Variants in HEYL observed in about 807,000 individuals in gnomAD.
The protein encoded by HEYL is hairy/enhancer-of-split related with YRPW motif-like protein.
HEYL carries 12 observed loss-of-function variants against 18.6 expected under a neutral mutation model. The observed-to-expected ratio is 0.65, with a 90% CI of 0.41 to 1.05. HEYL has a LOEUF of 1.05. Ranked by LOEUF, HEYL falls within the 50% of genes least tolerant of loss-of-function variation. The pLI is 0.00. For synonymous variants in HEYL, 159 were observed against 179.6 expected, an observed-to-expected ratio of 0.89 and a Z score of 0.91; for missense variants, 420 against 444.7, an observed-to-expected ratio of 0.94 and a Z score of 0.50.
intron 4 of HEYL, among the ~76,000 whole-genome samples, chr1:39,629,095 G>A (rs1006950980): frequency 3.3e-5 from 5 of 152,188 alleles, no homozygotes; most frequent in East Asian, 1.9e-4. Context: ...AGCCTATACC[G>A]TGAACCACAG....
chr1:39,628,628 C>T (rs948652467), intron 4 of HEYL, among the ~76,000 whole-genome samples: 4 of 151,406 alleles, frequency 2.6e-5, no homozygotes, highest in African/African-American at 7.3e-5. Context: ...GACGGAGTCT[C>T]GCTCTGTCGC....
intron 1 of HEYL, 67 bp from the exon 2 acceptor site, chr1:39,632,782 C>T (rs1029562285): frequency 3.8e-6 from 6 of 1,595,036 alleles, no homozygotes; most frequent in Non-Finnish European, 4.3e-6. Context: ...GGGCCGACCT[C>T]GGGCCAGGAG....
At position 39,624,670 on chromosome 1, in the gene HEYL, C is replaced by A. The variant is rs1646286081; in HGVS notation, c.*1837G>T. On this transcript the variant is annotated 3_prime_UTR_variant, in exon 5 of 5. Coordinates refer to ENST00000372852, the MANE Select transcript of HEYL (RefSeq NM_014571.4). The stretch of plus-strand genomic sequence containing the variant: ...AGTTCTGTCTTCCTTCTACCACAGT[C>A]TCCCCTCTGCCTCCCTCCGGAGCAC... 6.6e-6 allele frequency: 1 copy of A among 152,390 alleles called. No individual in the cohort carries two copies. Among genetic ancestry groups the A allele is most frequent in the Admixed American group, 6.5e-5 (1 of 15,286 alleles). 9.4% of individuals were successfully genotyped at this position (152,390 alleles called of 1,614,324 possible).
rs115068989 is a variant in HEYL, at chr1:39,626,878, C to A, written c.616G>T (p.Gly206Cys). 7.1e-4 allele frequency: 1,137 copies of A among 1,598,460 alleles called. 11 individuals carry two copies. In the African/African-American group the frequency reaches 0.013, roughly 19 times the overall value. The part of the protein sequence containing the change: ...LGRVPSPVLP[G>C]VSSPAYPIPA... ...ATGGGGTAAGCAGGAGAGGAGACACCGGGGAGGACAGGGCTGGGCACTCTT... is the reference window on the plus strand; with the variant it reads ...ATGGGGTAAGCAGGAGAGGAGACACAGGGGAGGACAGGGCTGGGCACTCTT... Residue 206 changes from glycine to cysteine, a missense_variant, in exon 5 of 5, where the codon GGT (glycine) becomes TGT (cysteine). By Grantham distance (159) the Gly-to-Cys change is radical (BLOSUM62 -3). Transcript: ENST00000372852.
chr1:39,635,325 C>G (rs1646356708), intron 1 of HEYL, among the ~76,000 whole-genome samples: 1 of 152,224 alleles, frequency 6.6e-6, no homozygotes, highest in South Asian at 2.1e-4. Context: ...CCAAGACACA[C>G]TAAGAAACAC....
intron 1 of HEYL, among the ~76,000 whole-genome samples, chr1:39,638,145 C>T (rs761793793): frequency 3.3e-4 from 50 of 152,164 alleles, no homozygotes; most frequent in African/African-American, 9.7e-4. Flanking sequence ...CGTTGCATAG[C>T]GAGTTGTGTT....
intron 1 of HEYL, among the ~76,000 whole-genome samples, chr1:39,634,406 T>C (rs1244849938): frequency 6.6e-6 from 1 of 152,212 alleles, no homozygotes; most frequent in Non-Finnish European, 1.5e-5. Flanking sequence ...CAATGTTTTT[T>C]AAGATCAAGG....
intron 1 of HEYL, among the ~76,000 whole-genome samples, chr1:39,637,427 T>C (rs1050171803): frequency 1.3e-5 from 2 of 152,198 alleles, no homozygotes; most frequent in African/African-American, 4.8e-5. Flanking sequence ...CTGCTTTCTT[T>C]GTACATGAAG....
intron 4 of HEYL, among the ~76,000 whole-genome samples, chr1:39,627,943 G>A (rs1646310016): frequency 6.6e-6 from 1 of 152,228 alleles, no homozygotes. Flanking sequence ...AGACCCCACT[G>A]TGATCCTCAG....
At position 39,623,472 on chromosome 1, in the gene HEYL, T is replaced by C. The variant is rs1054059509; in HGVS notation, c.*3035A>G. 2.6e-5 allele frequency among the ~76,000 whole-genome samples: 4 copies of C among 152,248 alleles called. No individual in the cohort carries two copies. Among genetic ancestry groups the C allele is most frequent in the Admixed American group, 6.5e-5 (1 of 15,292 alleles). On this transcript the variant is annotated 3_prime_UTR_variant, in exon 5 of 5. Transcript: ENST00000372852. ...ACAAGTATTTATTGAACGCCAACTA[T>C]GGACCAGGCCCTGTGCTCAATGCTG... is the stretch of plus-strand genomic sequence containing the variant.
chr1:39,638,433 G>C (rs1646371055), intron 1 of HEYL, among the ~76,000 whole-genome samples: 1 of 152,158 alleles, frequency 6.6e-6, no homozygotes, highest in Non-Finnish European at 1.5e-5. Flanking sequence ...CTCCAGCATG[G>C]GCAACAGAGT....
chr1:39,630,731 A>T (rs10888893), intron 3 of HEYL, among the ~76,000 whole-genome samples: 5 of 152,098 alleles, frequency 3.3e-5, no homozygotes, highest in Non-Finnish European at 7.4e-5. Context: ...AGGGAATCCA[A>T]CTTCAGACTC....
chr1:39,638,311 G>A (rs557869397), intron 1 of HEYL, among the ~76,000 whole-genome samples: 1 of 152,106 alleles, frequency 6.6e-6, no homozygotes, highest in South Asian at 2.1e-4. Context: ...AATTAACTGG[G>A]CCTGGCTCAC....
Position 39,624,188 on chromosome 1 carries a change from C to T in HEYL, c.*2319G>A, listed in dbSNP as rs1046990980. ...CACTAAAAAAATCTTTATTGGATGT[C>T]CGCAACAACCCATGCAATGGGGTAG... On this transcript the variant is annotated 3_prime_UTR_variant, in exon 5 of 5. Coordinates refer to ENST00000372852, the MANE Select transcript of HEYL (RefSeq NM_014571.4). 8.5e-5 allele frequency: 13 copies of T among 152,212 alleles called. No homozygotes were observed. Among genetic ancestry groups the T allele is most frequent in the African/African-American group, 3.1e-4 (13 of 41,438 alleles). The allele number at this position is 152,212 out of a possible 1,614,324, so 9.4% of individuals were successfully genotyped here.
intron 1 of HEYL, among the ~76,000 whole-genome samples, chr1:39,639,158 A>C (rs903194567): frequency 5.3e-5 from 8 of 152,204 alleles, no homozygotes; most frequent in Non-Finnish European, 1.2e-4. Flanking sequence ...GTTACTCTGC[A>C]TCGTCAGCAG....
chr1:39,630,112 G>C, intron 4 of HEYL, 115 bp downstream of exon 4: 2 of 821,676 alleles, frequency 2.4e-6, no homozygotes, highest in Non-Finnish European at 4.2e-6. Flanking sequence ...TCCCTCCATT[G>C]ACTGAGCTCC....
chr1:39,628,894 G>A (rs983076266), intron 4 of HEYL, among the ~76,000 whole-genome samples: 16 of 129,756 alleles, frequency 1.2e-4, no homozygotes, highest in African/African-American at 2.1e-4. Context: ...GAGCCACCGC[G>A]CCCGGCCCGC....
chr1:39,632,963 C>T, intron 1 of HEYL: 1 of 983,628 alleles, frequency 1.0e-6, no homozygotes, highest in Non-Finnish European at 1.2e-6. Flanking sequence ...CCCCTCGCGG[C>T]GGCCGTCGGG....
chr1:39,633,322 C>T (rs1646345391), intron 1 of HEYL: 1 of 154,394 alleles, frequency 6.5e-6, no homozygotes, highest in African/African-American at 2.4e-5. Flanking sequence ...TCCTCCCACT[C>T]CGGGCCTTCC....
Sources: gnomAD v4.1 joint callset for allele counts (sites outside exome capture counted in the v4.1 genomes callset) on GRCh38, gnomAD v4.1.1 for gene constraint, MANE v1.5 for transcripts, NCBI Gene and HGNC (gene_info 2026-07-23, HGNC 2026-07-21) for gene names.